Variants in FAM83A observed in about 807,000 individuals in gnomAD.
FAM83A encodes scaffolding CK1 anchoring protein A.
In FAM83A, 21 loss-of-function variants were observed where a neutral mutation model predicts 24.4. The ratio of observed to expected loss-of-function variants is 0.86; its 90% CI spans 0.61 to 1.24. The LOEUF is 1.24. FAM83A is among the 50% of genes most tolerant of loss of function. The probability of loss-of-function intolerance (pLI) is 0.00; values close to 1 mark genes in which losing one functional copy is unlikely to be tolerated. For missense variants in FAM83A, 617 were observed against 579.8 expected (o/e 1.06, Z -0.66); for synonymous variants, 270 against 252.4 (o/e 1.07, Z -0.66).
exon 2 of FAM83A, chr8:123,191,961 T>A: frequency 1.2e-6 from 2 of 1,614,124 alleles, no homozygotes; most frequent in Non-Finnish European, 1.7e-6. Context: ...TCTCTGACAG[T>A]CACCTCAAGG....
exon 4 of FAM83A, chr8:123,208,797 C>G: frequency 7.3e-6 from 7 of 963,848 alleles, no homozygotes; most frequent in Non-Finnish European, 8.6e-6. Flanking sequence ...GGTGGATTAC[C>G]TGGTCTCGAG....
At chr8:123,210,037 G>T (rs1824685222) in exon 4 of FAM83A, 1 of 165,978 alleles carries the variant, frequency 6.0e-6, no homozygotes, top group African/African-American at 2.4e-5. Context: ...ACCCACAATG[G>T]ATATGTAGTG....
intron 3 of FAM83A, among the ~76,000 whole-genome samples, chr8:123,206,334 G>A (rs1393066632): frequency 2.0e-5 from 3 of 152,112 alleles, no homozygotes; most frequent in Non-Finnish European, 4.4e-5. Context: ...AACGGGAGGC[G>A]CACGGTGCTC....
At chr8:123,207,657 G>A in exon 4 of FAM83A, 2 of 1,533,578 alleles carry the variant, frequency 1.3e-6, no homozygotes, top group Non-Finnish European at 1.7e-6. Context: ...CCAACCTGGA[G>A]GCCCTTCCTG....
At chr8:123,196,478 A>T (rs891622886) in intron 3 of FAM83A, among the ~76,000 whole-genome samples, 1 of 152,016 alleles carries the variant, frequency 6.6e-6, no homozygotes, top group Admixed American at 6.6e-5. Context: ...AGAGGTTTTC[A>T]TATTACTTCT....
At chr8:123,203,041 G>A (rs1824411563) in intron 3 of FAM83A, among the ~76,000 whole-genome samples, 1 of 152,136 alleles carries the variant, frequency 6.6e-6, no homozygotes, top group South Asian at 2.1e-4. Context: ...CACAGGGCAT[G>A]ACAGAGCAGT....
chr8:123,194,037 G>T, exon 3 of FAM83A: 1 of 1,614,186 alleles, frequency 6.2e-7, no homozygotes, highest in Non-Finnish European at 8.5e-7. Flanking sequence ...ATTTCCATCC[G>T]GAGTGTGGAA....
exon 4 of FAM83A, chr8:123,208,732 A>G: frequency 1.0e-6 from 1 of 984,614 alleles, no homozygotes; most frequent in Non-Finnish European, 1.2e-6. Flanking sequence ...GTGGTGGCTC[A>G]TGCCTGTAAT....
intron 3 of FAM83A, among the ~76,000 whole-genome samples, chr8:123,198,439 C>T (rs998873213): frequency 6.6e-6 from 1 of 152,116 alleles, no homozygotes; most frequent in Non-Finnish European, 1.5e-5. Context: ...ATGATGAAAA[C>T]TGATGAAGGA....
rs767596459 is a variant in FAM83A at position 123,207,465 on chromosome 8, C to T, written c.1082C>T (p.Pro361Leu). ...TCAGGGCCCTGTAGCCCCGCGGCCC[C>T]ACACCCGCCTCCACCGCCCCGGTTC... Residue 361 changes from proline (P) to leucine (L), a missense_variant, in exon 4 of 4, where the codon CCA becomes CTA. Coordinates refer to ENST00000690554, the Ensembl canonical transcript of FAM83A. 49 of 1,588,976 alleles carry T rather than the reference C, an allele frequency of 3.1e-5. No individual in the cohort carries two copies. Among genetic ancestry groups the T allele is most frequent in the Non-Finnish European group, 4.1e-5 (48 of 1,169,670 alleles).
In FAM83A at chr8:123,209,369, A is replaced by G. The variant is rs772617410; in HGVS notation, c.*1681A>G. 25 of 1,426,892 alleles carry G rather than the reference A, an allele frequency of 1.8e-5. No homozygotes were observed. The highest frequency in any genetic ancestry group is 3.1e-5 in the South Asian group (2 of 64,600). 88.4% of individuals were successfully genotyped at this position (1,426,892 alleles called of 1,614,324 possible). On this transcript the variant is annotated 3_prime_UTR_variant, in exon 4 of 4. Coordinates refer to ENST00000690554, the Ensembl canonical transcript of FAM83A. This position sits in a 1 kb window ranked among gnomAD's most constrained non-coding sequence, Gnocchi z 4.7. ...GGCATCTTGGCTTCTGGTTTCTTTT[A>G]TTATTATTATTATTATTAATTATTG... is the stretch of plus-strand genomic sequence containing the variant.
At chr8:123,186,558 G>A (rs767415245) in intron 1 of FAM83A, among the ~76,000 whole-genome samples, 11 of 152,084 alleles carry the variant, frequency 7.2e-5, no homozygotes, top group Non-Finnish European at 1.5e-4. Context: ...GGCTGGGCAC[G>A]GTGGCTCTCA....
At chr8:123,191,730 A>G in intron 1 of FAM83A, 73 bp from the exon 2 acceptor site, 1 of 1,530,028 alleles carries the variant, frequency 6.5e-7, no homozygotes, top group Non-Finnish European at 9.0e-7. Flanking sequence ...ACTGGGACTC[A>G]GGCAGTTTGG....
exon 4 of FAM83A, chr8:123,207,856 C>G (rs1035194651): frequency 1.4e-5 from 19 of 1,383,996 alleles, no homozygotes; most frequent in Non-Finnish European, 1.7e-5. Flanking sequence ...CTTGCCGGCC[C>G]CCACCAGTTC....
exon 4 of FAM83A, chr8:123,208,512 G>C: frequency 2.0e-6 from 2 of 985,564 alleles, no homozygotes; most frequent in Non-Finnish European, 2.4e-6. Context: ...GCAGCAGGGA[G>C]GGCTCAGCTG....
At chr8:123,188,415 G>T (rs1173484892) in intron 1 of FAM83A, among the ~76,000 whole-genome samples, 3 of 151,854 alleles carry the variant, frequency 2.0e-5, no homozygotes, top group African/African-American at 7.3e-5. Context: ...GGTGTTTAGG[G>T]TTGGACGTAT....
chr8:123,191,402 T>G (rs1029084829), intron 1 of FAM83A, among the ~76,000 whole-genome samples: 13 of 152,208 alleles, frequency 8.5e-5, no homozygotes, highest in Non-Finnish European at 1.9e-4. Context: ...GTGGCCATAG[T>G]GTGCCCTCTA....
chr8:123,208,321 G>A, exon 4 of FAM83A: 1 of 985,622 alleles, frequency 1.0e-6, no homozygotes, highest in Non-Finnish European at 1.2e-6. Flanking sequence ...GTAGCCACCA[G>A]GGATGCAGCT....
chr8:123,189,916 G>A (rs1158147183), intron 1 of FAM83A, among the ~76,000 whole-genome samples: 5 of 152,140 alleles, frequency 3.3e-5, no homozygotes, highest in African/African-American at 1.2e-4. Context: ...TATTTTCTGG[G>A]TTCACATCCC....
Sources: gnomAD v4.1 joint callset for allele counts (sites outside exome capture counted in the v4.1 genomes callset) on GRCh38, gnomAD v4.1.1 for gene constraint, Gnocchi (gnomAD v3.1) non-coding constraint, MANE v1.5 for transcripts, NCBI Gene and HGNC (gene_info 2026-07-23, HGNC 2026-07-21) for gene names.